NUP160: variants seen among roughly 807,000 people sequenced by gnomAD.
NUP160 encodes nucleoporin 160.
Under a neutral mutation model 196.9 loss-of-function variants are expected in NUP160, and 94 were observed. The observed-to-expected ratio is 0.48, with a 90% confidence interval of 0.40 to 0.57. The LOEUF (loss-of-function observed/expected upper bound fraction) is 0.57. NUP160 is among the 20% of genes least tolerant of loss of function. NUP160 has a pLI of 0.00. For synonymous variants in NUP160, 605 were observed against 619.7 expected, an observed-to-expected ratio of 0.98 and a Z score of 0.35; for missense variants, 1,638 against 1,748.3, an observed-to-expected ratio of 0.94 and a Z score of 1.13.
chr11:47,814,371 C>T (rs757864854), intron 13 of NUP160, among the ~76,000 whole-genome samples: 8 of 151,634 alleles, frequency 5.3e-5, no homozygotes, highest in South Asian at 2.1e-4. Flanking sequence ...GGCGAAACTC[C>T]GTCTCTATTA....
At chr11:47,829,165 G>A (rs987912782) in intron 7 of NUP160, among the ~76,000 whole-genome samples, 2 of 141,160 alleles carry the variant, frequency 1.4e-5, no homozygotes, top group Non-Finnish European at 3.0e-5. Context: ...GACAGCTCAC[G>A]TGGTAGAAAA....
rs567469022 is a variant in NUP160, at chr11:47,812,810, T to C, written c.1952+72A>G. On this transcript the variant is annotated intron_variant, in intron 15 of 35. Transcript: ENST00000378460. ...ATTCTGTACGCTCTGGAACATACAT[T>C]AAAATTCCAACTTTGGCGCTAAAAA... The C allele has an allele frequency of 6.0e-6, 8 of 1,333,636 alleles. No individual in the cohort carries two copies. In the Admixed American group the frequency reaches 1.2e-4, roughly 20 times the overall value. 82.6% of individuals were successfully genotyped at this position (1,333,636 alleles called of 1,614,324 possible).
chr11:47,848,059 C>G, intron 1 of NUP160, 100 bp from the exon 2 acceptor site: 2 of 1,274,814 alleles, frequency 1.6e-6, no homozygotes. Flanking sequence ...ACAACCCATA[C>G]AAAGAAAAGA....
chr11:47,846,734 C>G (rs987697352), intron 2 of NUP160, among the ~76,000 whole-genome samples: 3 of 152,142 alleles, frequency 2.0e-5, no homozygotes, highest in African/African-American at 7.2e-5. Flanking sequence ...ACAAAGTAGA[C>G]TGAGATCTTC....
intron 6 of NUP160, among the ~76,000 whole-genome samples, chr11:47,836,079 T>C (rs1852168075): frequency 6.6e-6 from 1 of 152,130 alleles, no homozygotes; most frequent in Non-Finnish European, 1.5e-5. Flanking sequence ...AAACCCCATC[T>C]CTACTAAAAA....
intron 11 of NUP160, among the ~76,000 whole-genome samples, chr11:47,816,763 G>A (rs1225769668): frequency 1.4e-5 from 2 of 141,112 alleles, no homozygotes; most frequent in East Asian, 2.1e-4. Context: ...GCAACAGAGC[G>A]AGACCCTGCC....
chr11:47,829,712 T>C lies in NUP160; in HGVS notation c.1101+5939A>G, dbSNP rs547810751. 3.3e-5 allele frequency among the ~76,000 whole-genome samples: 5 copies of C among 152,164 alleles called. No individual in the cohort carries two copies. In the South Asian group the frequency reaches 1.0e-3, roughly 31 times the overall value. On this transcript the variant is annotated intron_variant, in intron 7 of 35. Coordinates refer to ENST00000378460, the Ensembl canonical transcript of NUP160. ...CCCTTCCTTACACGATATACAAAAA[T>C]CAACTCAAGATGGATTAAAGACTTA...
At chr11:47,812,861 C>A (rs745844172) in intron 15 of NUP160, 21 bp downstream of exon 15, 3 of 1,589,752 alleles carry the variant, frequency 1.9e-6, no homozygotes, top group Non-Finnish European at 2.6e-6. Context: ...AGGAAATGCA[C>A]TTTACCCTAA....
chr11:47,803,763 C>T (rs564411594), intron 21 of NUP160, among the ~76,000 whole-genome samples: 2 of 152,280 alleles, frequency 1.3e-5, no homozygotes, highest in South Asian at 4.1e-4. Flanking sequence ...ACATACTTTA[C>T]ATCTCAGCAA....
intron 19 of NUP160, 70 bp from the exon 20 acceptor site, chr11:47,806,382 A>G (rs916463694): frequency 8.1e-7 from 1 of 1,231,158 alleles, no homozygotes; most frequent in African/African-American, 1.5e-5. Context: ...ATAGTCTATC[A>G]ATTCATTTTA....
intron 7 of NUP160, among the ~76,000 whole-genome samples, chr11:47,831,876 A>C: frequency 7.6e-6 from 1 of 130,916 alleles, no homozygotes; most frequent in South Asian, 2.6e-4. Flanking sequence ...AAAGAGACAG[A>C]TCTGATCTAA....
intron 11 of NUP160, among the ~76,000 whole-genome samples, chr11:47,817,404 G>A (rs1044636776): frequency 4.7e-5 from 7 of 149,966 alleles, no homozygotes; most frequent in African/African-American, 1.7e-4. Flanking sequence ...GTGCAGTGGC[G>A]CAATCTTGGC....
At chr11:47,791,158 C>T (rs921658727) in intron 29 of NUP160, among the ~76,000 whole-genome samples, 2 of 150,956 alleles carry the variant, frequency 1.3e-5, no homozygotes, top group African/African-American at 2.4e-5. Flanking sequence ...ATTTTCTCTT[C>T]TTTTTTTTTA....
exon 17 of NUP160, chr11:47,812,106 A>G (rs1223823054): frequency 2.5e-6 from 4 of 1,614,008 alleles, no homozygotes; most frequent in Middle Eastern, 1.6e-4. Flanking sequence ...AGATCAAAAG[A>G]TCTCTGCAGA....
intron 7 of NUP160, among the ~76,000 whole-genome samples, chr11:47,826,414 G>A (rs184031914): frequency 1.3e-3 from 203 of 152,278 alleles, no homozygotes; most frequent in African/African-American, 4.7e-3. Context: ...TCAAAACAAA[G>A]GAAGTAATAG....
intron 2 of NUP160, chr11:47,841,583 C>T: frequency 2.4e-6 from 1 of 424,012 alleles, no homozygotes; most frequent in South Asian, 2.2e-5. Context: ...ACGAGTTTGC[C>T]ACCGAAGACA....
At chr11:47,835,835 G>A in intron 6 of NUP160, 26 bp from the exon 7 acceptor site, 1 of 1,523,836 alleles carries the variant, frequency 6.6e-7, no homozygotes, top group Non-Finnish European at 8.9e-7. Context: ...GTTAATAGGT[G>A]ATATTCAAGG....
chr11:47,779,001 T>TCATTTACAGTTACAGTACATTTTGTA, exon 36 of NUP160: 2 of 773,148 alleles, frequency 2.6e-6, no homozygotes, highest in Non-Finnish European at 4.6e-6. Context: ...GTTGTACACA[T>TCATTTACAGTTACAGTACATTTTGTA]CATTTACAGT....
At chr11:47,848,451 C>T (rs1409981369) in exon 1 of NUP160, 2 of 1,479,020 alleles carry the variant, frequency 1.4e-6, no homozygotes, top group Admixed American at 2.2e-5. Flanking sequence ...TCCGGCCCTT[C>T]GTTGCGAGGC....
Sources: allele counts gnomAD v4.1 joint callset (sites outside exome capture counted in the v4.1 genomes callset), GRCh38; gene constraint gnomAD v4.1.1; transcripts MANE v1.5; gene names NCBI Gene and HGNC (gene_info 2026-07-23, HGNC 2026-07-21).